Variants in ZNF423 observed in about 807,000 individuals in gnomAD.
ZNF423 encodes the protein zinc finger protein 423, also known as Ebf-associated zinc finger protein.
Under a neutral mutation model 95.8 loss-of-function variants are expected in ZNF423, and 12 were observed. The observed-to-expected ratio is 0.13, with a 90% CI of 0.08 to 0.20. ZNF423 has a LOEUF of 0.20. ZNF423 is among the 10% of genes least tolerant of loss of function. ZNF423 has a pLI of 1.00. For synonymous variants in ZNF423, 749 were observed against 711.9 expected, an observed-to-expected ratio of 1.05 and a Z score of -0.83; for missense variants, 1,316 against 1,737.1, an observed-to-expected ratio of 0.76 and a Z score of 4.31.
chr16:49,636,907 T>A lies in ZNF423; in HGVS notation c.2269A>T (p.Met757Leu), dbSNP rs1972745525. The A allele has an allele frequency of 6.2e-7, 1 of 1,613,888 alleles. No homozygotes were observed. Among genetic ancestry groups the A allele is most frequent in the Non-Finnish European group, 8.5e-7 (1 of 1,180,012 alleles). Residue 757 changes from methionine to leucine, a missense_variant, in exon 4 of 8, where the codon ATG becomes TTG. Physicochemically the swap from Met to Leu is conservative, Grantham distance 15. Around this residue, in one of 6 missense-constraint regions of ZNF423, gnomAD observed 620 missense variants for 775.6 expected, o/e 0.80. Coordinates refer to ENST00000563137, the MANE Select transcript of ZNF423 (RefSeq NM_001379286.1). The surrounding 1 kb of genome is among the most constrained non-coding windows in gnomAD (Gnocchi z 8.6). ...LAVKHSNEKK[M>L]YRCTACNWDF... ...CAGTTGCAGGCCGTGCAGCGGTACA[T>A]CTTCTTCTCATTGCTGTGCTTCACC...
intron 2 of ZNF423, among the ~76,000 whole-genome samples, chr16:49,785,009 G>A (rs1418051583): frequency 6.6e-6 from 1 of 151,824 alleles, no homozygotes; most frequent in East Asian, 1.9e-4. Flanking sequence ...GGGGTAGGAG[G>A]GCAGGGGTGA....
chr16:49,497,780 G>C (rs535995800), intron 7 of ZNF423, among the ~76,000 whole-genome samples: 1 of 152,334 alleles, frequency 6.6e-6, no homozygotes, highest in South Asian at 2.1e-4. Flanking sequence ...CTTTCCAGGG[G>C]AAGAAGTAGC....
At chr16:49,630,653 G>T (rs1972465449) in intron 4 of ZNF423, among the ~76,000 whole-genome samples, 1 of 152,076 alleles carries the variant, frequency 6.6e-6, no homozygotes, top group South Asian at 2.1e-4. Flanking sequence ...TGGTCCAGAG[G>T]CATGCAGGGA....
intron 2 of ZNF423, among the ~76,000 whole-genome samples, chr16:49,747,046 C>G (rs765096640): frequency 1.6e-4 from 24 of 152,076 alleles, no homozygotes; most frequent in Admixed American, 1.6e-3. Context: ...AGACAGAGAT[C>G]GGGGGAAAGA....
chr16:49,754,428 A>C, intron 2 of ZNF423, among the ~76,000 whole-genome samples: 1 of 152,222 alleles, frequency 6.6e-6, no homozygotes, highest in East Asian at 1.9e-4. Flanking sequence ...AAATGTGATC[A>C]TCAGGGCTGC....
chr16:49,849,091 C>T (rs1009782482), intron 1 of ZNF423, among the ~76,000 whole-genome samples: 5 of 152,156 alleles, frequency 3.3e-5, no homozygotes, highest in South Asian at 2.1e-4. Context: ...CACACTTAGA[C>T]GGGAATGCAA....
At chr16:49,615,350 T>C (rs1971843034) in intron 5 of ZNF423, among the ~76,000 whole-genome samples, 1 of 152,208 alleles carries the variant, frequency 6.6e-6, no homozygotes, top group Non-Finnish European at 1.5e-5. Flanking sequence ...TAAAAATGTA[T>C]TGGCTGTTTA....
At chr16:49,560,486 A>G (rs1969978725) in intron 5 of ZNF423, among the ~76,000 whole-genome samples, 2 of 152,198 alleles carry the variant, frequency 1.3e-5, no homozygotes, top group Non-Finnish European at 2.9e-5. Context: ...AGTTTGGGCT[A>G]TATTCCCTTC....
intron 1 of ZNF423, among the ~76,000 whole-genome samples, chr16:49,815,866 C>CAAAAA (rs748352861): frequency 3.5e-5 from 2 of 57,928 alleles, no homozygotes; most frequent in African/African-American, 1.7e-4. Flanking sequence ...TAATTCCAAA[C>CAAAAA]AAACAAAAAA....
At chr16:49,721,920 A>G (rs563104396) in intron 3 of ZNF423, among the ~76,000 whole-genome samples, 31 of 152,236 alleles carry the variant, frequency 2.0e-4, no homozygotes, top group Admixed American at 3.9e-4. Context: ...TTGTCATCCA[A>G]TTTTGGGGAG....
rs145503941 is a variant in ZNF423 at position 49,638,369 on chromosome 16, G to T, written c.807C>A (p.Asp269Glu). Residue 269 changes from aspartate to glutamate, a missense_variant, in exon 4 of 8, where the codon GAC becomes GAA. Around this residue, in one of 6 missense-constraint regions of ZNF423, gnomAD observed 399 missense variants for 478.5 expected, o/e 0.83. Coordinates refer to ENST00000563137, the MANE Select transcript of ZNF423 (RefSeq NM_001379286.1). This position sits in a 1 kb window ranked among gnomAD's most constrained non-coding sequence, Gnocchi z 5.6. ...LAKSEKEAKK[D>E]DFMCDYCEDT... ...CCTCGCAGTAGTCGCACATGAAGTC[G>T]TCCTTCTTGGCTTCCTTCTCCGACT... 1 of 1,614,030 alleles carries T rather than the reference G, an allele frequency of 6.2e-7. No homozygotes were observed. Among genetic ancestry groups the T allele is most frequent in the Non-Finnish European group, 8.5e-7 (1 of 1,180,034 alleles).
intron 2 of ZNF423, among the ~76,000 whole-genome samples, chr16:49,764,012 C>T (rs549448373): frequency 7.4e-4 from 113 of 152,292 alleles, no homozygotes; most frequent in Non-Finnish European, 6.2e-4. Context: ...GCTGGCCCCA[C>T]GGGCAGGAGG....
In ZNF423 at chr16:49,730,875, T is replaced by A. The variant is rs749243699; in HGVS notation, c.197A>T (p.Asp66Val). 1 of 1,614,200 alleles carries A rather than the reference T, an allele frequency of 6.2e-7. No individual in the cohort carries two copies. The highest frequency in any genetic ancestry group is 1.7e-5 in the Admixed American group (1 of 60,022). Residue 66 changes from aspartate to valine, a missense_variant, in exon 3 of 8, where the codon GAT becomes GTT. Coordinates refer to ENST00000563137, the MANE Select transcript of ZNF423 (RefSeq NM_001379286.1). The stretch of plus-strand genomic sequence containing the variant: ...AATTGATTCATCCTCCATGTCTTCA[T>A]CATCCTCATTTCTCTCCTCTTGACT... ...VTSQEERNED[D>V]EDMEDESIYT...
At chr16:49,812,021 C>T (rs2034761856) in intron 1 of ZNF423, among the ~76,000 whole-genome samples, 1 of 152,254 alleles carries the variant, frequency 6.6e-6, no homozygotes, top group South Asian at 2.1e-4. Flanking sequence ...AGGGAGCAGA[C>T]CTCTGGTGCC....
intron 5 of ZNF423, among the ~76,000 whole-genome samples, chr16:49,572,240 C>T (rs1041596093): frequency 2.0e-5 from 3 of 152,096 alleles, no homozygotes; most frequent in Non-Finnish European, 4.4e-5. Context: ...AGAAACATGA[C>T]AATTCCCTCG....
At position 49,855,095 on chromosome 16, in the gene ZNF423, C is replaced by T. The variant is rs2035345655; in HGVS notation, c.40+640G>A. On this transcript the variant is annotated intron_variant, in intron 1 of 7. Coordinates refer to ENST00000563137, the MANE Select transcript of ZNF423 (RefSeq NM_001379286.1). This position sits in a 1 kb window ranked among gnomAD's most constrained non-coding sequence, Gnocchi z 4.7. ...GCCCGGTGGGCCTCGGTGGAGGAGG[C>T]AGGAAGTGCAGGGGCCCGGGCCGGG... 1 of 956,640 alleles carries T rather than the reference C, an allele frequency of 1.0e-6. No homozygotes were observed. Among genetic ancestry groups the T allele is most frequent in the Non-Finnish European group, 1.2e-6 (1 of 804,522 alleles). 59.3% of individuals were successfully genotyped at this position (956,640 alleles called of 1,614,324 possible). A position where few individuals can be genotyped will look rare whatever the true frequency, so the allele number is the denominator to read the frequency against.
rs71134594 is a variant in ZNF423 at position 49,620,174 on chromosome 16, AACACACACAT to A, written c.3601+5986_3601+5995del. On this transcript the variant is annotated intron_variant, in intron 5 of 7. Coordinates refer to ENST00000563137, the MANE Select transcript of ZNF423 (RefSeq NM_001379286.1). Reference sequence around the variant, plus strand: ...ACACACACACACACCACACACACACAACACACACATACACACACATACACATACACACACA... The same window carrying A: ...ACACACACACACACCACACACACACAACACACACATACACATACACACACA... Among the ~76,000 whole-genome samples, 91 of 149,126 alleles carry A rather than the reference AACACACACAT, an allele frequency of 6.1e-4. 1 individual carries two copies. Among genetic ancestry groups the A allele is most frequent in the Non-Finnish European group, 4.5e-4 (30 of 67,084 alleles).
chr16:49,536,102 C>T (rs2080637), intron 5 of ZNF423, among the ~76,000 whole-genome samples: 71,249 of 152,014 alleles, frequency 0.47, 16,851 homozygotes, highest in East Asian at 0.5. Context: ...CAGTTACCAA[C>T]GGGCACACAC....
At chr16:49,814,726 C>A (rs2034809965) in intron 1 of ZNF423, among the ~76,000 whole-genome samples, 1 of 151,246 alleles carries the variant, frequency 6.6e-6, no homozygotes, top group South Asian at 2.1e-4. Flanking sequence ...AATGAGTTTA[C>A]AGCTCGACAG....
Sources: allele counts gnomAD v4.1 joint callset (sites outside exome capture counted in the v4.1 genomes callset), GRCh38; gene constraint gnomAD v4.1.1; regional missense constraint gnomAD v4.1.1; non-coding constraint Gnocchi (gnomAD v3.1); transcripts MANE v1.5; gene names NCBI Gene and HGNC (gene_info 2026-07-23, HGNC 2026-07-21).